EEF1D: variants seen among roughly 807,000 people sequenced by gnomAD.
The protein encoded by EEF1D is elongation factor 1-delta.
Under a neutral mutation model 63.9 loss-of-function variants are expected in EEF1D, and 47 were observed. The observed-to-expected ratio is 0.74, with a 90% confidence interval of 0.58 to 0.94. The LOEUF (loss-of-function observed/expected upper bound fraction) is 0.94, where lower values mean the gene tolerates loss of function less well. EEF1D is among the 40% of genes least tolerant of loss of function. The pLI is 0.00. For missense variants in EEF1D, 907 were observed against 899.0 expected (o/e 1.01, Z -0.11); for synonymous variants, 412 against 386.1 (o/e 1.07, Z -0.79).
intron 2 of EEF1D, chr8:143,592,337 C>G: frequency 1.1e-6 from 1 of 939,892 alleles, no homozygotes; most frequent in African/African-American, 1.8e-5. Context: ...AGCCGCCGCT[C>G]AGGGAGGGGA....
chr8:143,587,860 G>A (rs1189244744), intron 3 of EEF1D, among the ~76,000 whole-genome samples: 1 of 152,190 alleles, frequency 6.6e-6, no homozygotes, highest in Non-Finnish European at 1.5e-5. Flanking sequence ...AGACCCTCTG[G>A]TTCTTTATGG....
rs1043623239 is a variant in EEF1D at position 143,597,380 on chromosome 8, G to C, written c.-47C>G. 1.3e-5 allele frequency: 2 copies of C among 152,098 alleles called. No homozygotes were observed. Among genetic ancestry groups the C allele is most frequent in the African/African-American group, 2.4e-5 (1 of 41,430 alleles). The allele number at this position is 152,098 out of a possible 1,614,324, so 9.4% of individuals were successfully genotyped here. A position where few individuals can be genotyped will look rare whatever the true frequency, so the allele number is the denominator to read the frequency against. ...CCAAGGACGCGGCGACCAAGGAGGAGGAATCGGCGGACGCGGGAAGACTGA... is the reference window on the plus strand; with the variant it reads ...CCAAGGACGCGGCGACCAAGGAGGACGAATCGGCGGACGCGGGAAGACTGA... On this transcript the variant is annotated 5_prime_UTR_variant, in exon 1 of 10. Coordinates refer to ENST00000618139, the MANE Select transcript of EEF1D (RefSeq NM_001130053.5).
rs117002794 is a variant in EEF1D at position 143,587,827 on chromosome 8, A to G, written c.1092-975T>C. Among the ~76,000 whole-genome samples the G allele has an allele frequency of 5.5e-3, 843 of 152,348 alleles. 9 individuals are homozygous for G. The highest frequency in any genetic ancestry group is 6.8e-3 in the Middle Eastern group (2 of 294). ...CTGGCCAGCAGCAGAGGAGCTGGGCAGATGACTCTGTGGCCGGGGCCCAGA... is the reference window on the plus strand; with the variant it reads ...CTGGCCAGCAGCAGAGGAGCTGGGCGGATGACTCTGTGGCCGGGGCCCAGA... On this transcript the variant is annotated intron_variant, in intron 3 of 9. Coordinates refer to ENST00000618139, the MANE Select transcript of EEF1D (RefSeq NM_001130053.5).
intron 9 of EEF1D, 50 bp from the exon 10 acceptor site, chr8:143,579,880 T>G: frequency 6.5e-7 from 1 of 1,537,740 alleles, no homozygotes; most frequent in Non-Finnish European, 8.8e-7. Flanking sequence ...TACAGCCCAC[T>G]CGGAGCCAGG....
rs1826739585 is a variant in EEF1D, at chr8:143,586,804, G to A, written c.1140C>T (p.Asp380=). 6.2e-7 allele frequency: 1 copy of A among 1,614,092 alleles called. No homozygotes were observed. The highest frequency in any genetic ancestry group is 1.7e-5 in the Admixed American group (1 of 60,012). Residue 380 remains aspartate, a synonymous_variant, in exon 4 of 10, where the codon GAC becomes GAT. Transcript: ENST00000618139. ...TTTCTGCGTCGTCATATTTGAACTT[G>A]TCGAACCAGATCTTCTCATGTGCTA... The part of the protein sequence containing the change: ...NFLAHEKIWF[D]KFKYDDAERR...
At position 143,580,641 on chromosome 8, in the gene EEF1D, C is replaced by G. The variant is rs764344351; in HGVS notation, c.1575G>C (p.Leu525=). The change falls in exon 8 of 10, where the codon CTG becomes CTC. Residue 525 remains leucine, a synonymous_variant. Transcript: ENST00000618139. ...AEDDEDDDID[L]FGSDNEEEDK... ...CCTCCTCCTCATTGTCACTGCCAAA[C>G]AGGTCAATGTCATCATCCTCGTCAT... is the stretch of plus-strand genomic sequence containing the variant. The G allele has an allele frequency of 1.9e-6, 3 of 1,613,944 alleles. No homozygotes were observed. Among genetic ancestry groups the G allele is most frequent in the Non-Finnish European group, 2.5e-6 (3 of 1,179,950 alleles).
chr8:143,586,102 C>T, intron 5 of EEF1D, 117 bp downstream of exon 5: 1 of 853,504 alleles, frequency 1.2e-6, no homozygotes. Flanking sequence ...GAGCACAGCG[C>T]CGTGCACCCT....
In EEF1D at chr8:143,589,573, AAGG is replaced by A. The variant is rs1288427318; in HGVS notation, c.506_508del (p.Ser169del). ...CACGAAGGCCCGCTCAGCCTGGTCG[AAGG>A]AGGACTTGTTGACCCAGATCCCCCA... On this transcript the variant is annotated inframe_deletion, in exon 3 of 10. Coordinates refer to ENST00000618139, the MANE Select transcript of EEF1D (RefSeq NM_001130053.5). 1 of 1,517,586 alleles carries A rather than the reference AAGG, an allele frequency of 6.6e-7. No homozygotes were observed. Among genetic ancestry groups the A allele is most frequent in the South Asian group, 1.3e-5 (1 of 76,180 alleles). 94.0% of individuals were successfully genotyped at this position (1,517,586 alleles called of 1,614,324 possible). A position where few individuals can be genotyped will look rare whatever the true frequency, so the allele number is the denominator to read the frequency against.
At chr8:143,591,575 G>A (rs1386766835) in intron 2 of EEF1D, among the ~76,000 whole-genome samples, 1 of 152,248 alleles carries the variant, frequency 6.6e-6, no homozygotes, top group African/African-American at 2.4e-5. Context: ...ACGCCTAGGA[G>A]CACCCTCAAG....
Position 143,580,028 on chromosome 8 carries a change from G to A in EEF1D, c.1889C>T (p.Thr630Ile). ...VGTDLLEEEI[T>I]KFEEHVQSVD... is the part of the protein sequence containing the mutation. ...CTCACTCACGTGCTCCTCAAACTTGGTGATCTCCTCCTCCAGCAAGTCTGT... is the reference window on the plus strand; with the variant it reads ...CTCACTCACGTGCTCCTCAAACTTGATGATCTCCTCCTCCAGCAAGTCTGT... Residue 630 changes from threonine (T) to isoleucine (I), a missense_variant, in exon 9 of 10, where the codon ACC becomes ATC. Coordinates refer to ENST00000618139, the MANE Select transcript of EEF1D (RefSeq NM_001130053.5). The A allele has an allele frequency of 1.9e-6, 3 of 1,613,740 alleles. No individual in the cohort carries two copies. Among genetic ancestry groups the A allele is most frequent in the Non-Finnish European group, 2.5e-6 (3 of 1,179,870 alleles).
chr8:143,580,452 AGGC>A, intron 8 of EEF1D, 51 bp downstream of exon 8: 1 of 1,574,104 alleles, frequency 6.4e-7, no homozygotes, highest in Non-Finnish European at 8.7e-7. Flanking sequence ...TGAGCCGGCT[AGGC>A]GGGCACCAGG....
At chr8:143,586,018 C>T (rs1826511655) in intron 5 of EEF1D, 2 of 500,342 alleles carry the variant, frequency 4.0e-6, no homozygotes, top group Non-Finnish European at 3.6e-6. Context: ...GAGGTAAGCA[C>T]GGAAGGGACG....
Position 143,586,717 on chromosome 8 carries a change from T to A in EEF1D, c.1215+12A>T. ...AGCAGAGCCGCCCAGCCGCCCCACG[T>A]GCAGCTCTCACCTGGCGGGAGGCAC... is the stretch of plus-strand genomic sequence containing the variant. On this transcript the variant is annotated intron_variant, in intron 4 of 9. Coordinates refer to ENST00000618139, the MANE Select transcript of EEF1D (RefSeq NM_001130053.5). 6.2e-7 allele frequency: 1 copy of A among 1,611,982 alleles called. No homozygotes were observed. Among genetic ancestry groups the A allele is most frequent in the South Asian group, 1.1e-5 (1 of 91,046 alleles).
intron 3 of EEF1D, 137 bp from the exon 4 acceptor site, chr8:143,586,989 C>T (rs1001197121): frequency 3.3e-6 from 4 of 1,222,068 alleles, no homozygotes; most frequent in South Asian, 2.8e-5. Flanking sequence ...ACACCAAGCC[C>T]GTAAGCCCTC....
intron 3 of EEF1D, 124 bp from the exon 4 acceptor site, chr8:143,586,976 GC>G: frequency 1.5e-6 from 2 of 1,356,606 alleles, no homozygotes; most frequent in Non-Finnish European, 2.0e-6. Flanking sequence ...TCTCCACAAA[GC>G]GACACCAAGC....
chr8:143,581,309 G>C lies in EEF1D; in HGVS notation c.1307C>G (p.Ser436Cys). The C allele has an allele frequency of 6.2e-7, 1 of 1,611,688 alleles. No homozygotes were observed. Among genetic ancestry groups the C allele is most frequent in the Non-Finnish European group, 8.5e-7 (1 of 1,179,948 alleles). ...ACCGTGGTCTCCGCTGGTGCCGCTGGAGGCCCCGGGGCCTGAGCTCTGCAA... is the reference window on the plus strand; with the variant it reads ...ACCGTGGTCTCCGCTGGTGCCGCTGCAGGCCCCGGGGCCTGAGCTCTGCAA... ...SLAGSSGPGASSGTSGDHGEL... is the reference protein window; with the variant it reads ...SLAGSSGPGACSGTSGDHGEL... The change falls in exon 6 of 10, where the codon TCC becomes TGC. Residue 436 changes from serine to cysteine, a missense_variant. Ser to Cys is a moderately radical substitution (Grantham distance 112). Coordinates refer to ENST00000618139, the MANE Select transcript of EEF1D (RefSeq NM_001130053.5).
intron 2 of EEF1D, chr8:143,590,720 C>A (rs746458748): frequency 2.8e-5 from 7 of 248,148 alleles, no homozygotes; most frequent in Non-Finnish European, 4.5e-5. Context: ...CTGGCTAACA[C>A]GTTGAAACCC....
rs1825487519 is a variant in EEF1D, at chr8:143,581,268, T to C, written c.1348A>G (p.Ile450Val). The change falls in exon 6 of 10, where the codon ATT (isoleucine) becomes GTT (valine). Residue 450 changes from isoleucine (I) to valine (V), a missense_variant. By Grantham distance (29) the Ile-to-Val change is conservative. Coordinates refer to ENST00000618139, the MANE Select transcript of EEF1D (RefSeq NM_001130053.5). ...SGDHGELVVR[I>V]ASLEVENQSL... ...TGGTTCTCCACTTCCAGACTGGCAA[T>C]CCGGACGACGAGCTCACCGTGGTCT... The C allele has an allele frequency of 6.2e-7, 1 of 1,612,524 alleles. No homozygotes were observed. The highest frequency in any genetic ancestry group is 8.5e-7 in the Non-Finnish European group (1 of 1,179,980).
At chr8:143,591,224 G>A (rs775750949) in intron 2 of EEF1D, among the ~76,000 whole-genome samples, 3 of 152,218 alleles carry the variant, frequency 2.0e-5, no homozygotes, top group Middle Eastern at 3.2e-3. Context: ...GGACCATCTT[G>A]GTGGGAGGCA....
Sources: allele counts gnomAD v4.1 joint callset (sites outside exome capture counted in the v4.1 genomes callset), GRCh38; gene constraint gnomAD v4.1.1; transcripts MANE v1.5; gene names NCBI Gene and HGNC (gene_info 2026-07-23, HGNC 2026-07-21).